YTHDF3: variants seen among roughly 807,000 people sequenced by gnomAD.
YTHDF3 encodes YTH N6-methyladenosine RNA binding protein F3.
Under a neutral mutation model 52.5 loss-of-function variants are expected in YTHDF3, and 9 were observed. The ratio of observed to expected loss-of-function variants is 0.17; its 90% CI spans 0.10 to 0.30. The LOEUF is 0.30. Ranked by LOEUF, YTHDF3 falls within the 10% of genes least tolerant of loss-of-function variation. The probability of loss-of-function intolerance (pLI) is 1.00; values close to 1 mark genes in which losing one functional copy is unlikely to be tolerated. For missense variants in YTHDF3, 534 were observed against 715.0 expected (o/e 0.75, Z 2.89); for synonymous variants, 274 against 243.3 (o/e 1.13, Z -1.18).
intron 3 of YTHDF3, among the ~76,000 whole-genome samples, chr8:63,182,426 A>G (rs759188595): frequency 6.6e-6 from 1 of 151,926 alleles, no homozygotes; most frequent in Non-Finnish European, 1.5e-5. Flanking sequence ...AATAGGTGAC[A>G]GAGGCTGAAT....
intron 3 of YTHDF3, among the ~76,000 whole-genome samples, chr8:63,185,547 C>G (rs1808441903): frequency 6.6e-6 from 1 of 151,976 alleles, no homozygotes; most frequent in Non-Finnish European, 1.5e-5. Flanking sequence ...TTGAAATGAA[C>G]AAGGCAAAGC....
chr8:63,205,782 A>T (rs1301952988), intron 4 of YTHDF3, among the ~76,000 whole-genome samples: 1 of 152,150 alleles, frequency 6.6e-6, no homozygotes, highest in African/African-American at 2.4e-5. Context: ...AGCTGATAGT[A>T]TGCCCATAGA....
At chr8:63,172,886 C>G (rs1563391407) in intron 2 of YTHDF3, 9 of 1,038,152 alleles carry the variant, frequency 8.7e-6, no homozygotes, top group Middle Eastern at 3.5e-4. Context: ...GGTTTTCAGA[C>G]TCCAAGACAT....
chr8:63,205,385 A>G (rs749588614), intron 4 of YTHDF3, among the ~76,000 whole-genome samples: 2 of 151,936 alleles, frequency 1.3e-5, no homozygotes, highest in Non-Finnish European at 2.9e-5. Flanking sequence ...TTATAATAAC[A>G]TCAAAAGTTA....
intron 3 of YTHDF3, 57 bp downstream of exon 3, chr8:63,175,473 G>T: frequency 1.5e-6 from 2 of 1,326,728 alleles, no homozygotes; most frequent in South Asian, 2.5e-5. Flanking sequence ...AGTATTAGTT[G>T]ATTTTTCAAA....
chr8:63,200,383 G>C (rs948362326), intron 4 of YTHDF3, among the ~76,000 whole-genome samples: 8 of 151,754 alleles, frequency 5.3e-5, no homozygotes, highest in Non-Finnish European at 8.8e-5. Context: ...CGCCTCGGCT[G>C]AATTTTTTTT....
chr8:63,169,153 C>T, intron 1 of YTHDF3: 1 of 1,418,442 alleles, frequency 7.0e-7, no homozygotes, highest in African/African-American at 1.4e-5. Context: ...ATCCTGAGGG[C>T]GGCAGACATG....
chr8:63,187,522 A>G lies in YTHDF3; in HGVS notation c.1511A>G (p.Lys504Arg). ...QDKWKGKFEVKWIFVKDVPNN... is the reference protein window; with the variant it reads ...QDKWKGKFEVRWIFVKDVPNN... ...AAGTGGAAGGGCAAATTTGAAGTTA[A>G]ATGGATCTTTGTCAAAGATGTTCCC... The change falls in exon 4 of 5, where the codon AAA (lysine) becomes AGA (arginine). Residue 504 changes from lysine to arginine, a missense_variant. By Grantham distance (26) the Lys-to-Arg change is conservative. Transcript: ENST00000539294. 6.8e-6 allele frequency: 11 copies of G among 1,613,976 alleles called. No individual in the cohort carries two copies. The highest frequency in any genetic ancestry group is 9.3e-6 in the Non-Finnish European group (11 of 1,179,872).
intron 2 of YTHDF3, chr8:63,172,697 T>C: frequency 9.1e-7 from 1 of 1,094,382 alleles, no homozygotes; most frequent in Non-Finnish European, 1.2e-6. Context: ...CCTAACTTGA[T>C]GTAGTCAGGA....
chr8:63,186,143 G>A lies in YTHDF3; in HGVS notation c.136-4G>A, dbSNP rs1268767897. 9 of 1,593,204 alleles carry A rather than the reference G, an allele frequency of 5.6e-6. No individual in the cohort carries two copies. The East Asian group carries it at 1.8e-4, about 32-fold the overall frequency. ...GCTACTGATTGTGATATTTTGTTTTGCAGAGTAACAGCTATCCACCAATGT... is the reference window on the plus strand; with the variant it reads ...GCTACTGATTGTGATATTTTGTTTTACAGAGTAACAGCTATCCACCAATGT... On this transcript the variant is annotated splice_polypyrimidine_tract_variant and splice_region_variant and intron_variant, in intron 3 of 4. Transcript: ENST00000539294.
chr8:63,205,159 C>G (rs1809941992), intron 4 of YTHDF3, among the ~76,000 whole-genome samples: 1 of 152,080 alleles, frequency 6.6e-6, no homozygotes, highest in Non-Finnish European at 1.5e-5. Context: ...GGAAGAAGCC[C>G]TGTACTACTC....
At chr8:63,169,478 G>A (rs889551784) in intron 2 of YTHDF3, 67 bp downstream of exon 2, 9 of 1,507,066 alleles carry the variant, frequency 6.0e-6, no homozygotes, top group African/African-American at 5.6e-5. Flanking sequence ...AACTCTGTGA[G>A]GGTATTTTGT....
chr8:63,176,968 C>T (rs907221680), intron 3 of YTHDF3, among the ~76,000 whole-genome samples: 1 of 152,118 alleles, frequency 6.6e-6, no homozygotes, highest in Non-Finnish European at 1.5e-5. Flanking sequence ...CATGAGCCAC[C>T]GTGCCCAGCC....
chr8:63,183,408 A>G (rs16930241), intron 3 of YTHDF3, among the ~76,000 whole-genome samples: 2,348 of 152,176 alleles, frequency 0.015, 47 homozygotes, highest in African/African-American at 0.053. Flanking sequence ...TAGATACTTC[A>G]GTGATCAAAT....
intron 3 of YTHDF3, among the ~76,000 whole-genome samples, chr8:63,180,767 C>T (rs1192193210): frequency 6.6e-6 from 1 of 152,278 alleles, no homozygotes; most frequent in Admixed American, 6.5e-5. Flanking sequence ...CGGTTAGGAG[C>T]TGGAGACCAG....
intron 4 of YTHDF3, among the ~76,000 whole-genome samples, chr8:63,194,297 A>G (rs1809098720): frequency 6.6e-6 from 1 of 151,940 alleles, no homozygotes. Context: ...CAGCCTGGCT[A>G]ACATGTTGAA....
intron 4 of YTHDF3, 80 bp downstream of exon 4, chr8:63,187,825 A>G: frequency 6.9e-7 from 1 of 1,441,498 alleles, no homozygotes; most frequent in Non-Finnish European, 9.2e-7. Context: ...GAGTTTAAGA[A>G]CTTTCTGTGA....
chr8:63,203,831 G>A (rs1809805660), intron 4 of YTHDF3, among the ~76,000 whole-genome samples: 1 of 152,192 alleles, frequency 6.6e-6, no homozygotes, highest in Non-Finnish European at 1.5e-5. Flanking sequence ...CGGTTTGGCT[G>A]ATACTTTCTC....
At chr8:63,192,051 CAT>C (rs1446130898) in intron 4 of YTHDF3, among the ~76,000 whole-genome samples, 4 of 152,118 alleles carry the variant, frequency 2.6e-5, no homozygotes, top group East Asian at 1.9e-4. Context: ...TGAATTTTAA[CAT>C]ATGTAGATTT....
Sources: allele counts gnomAD v4.1 joint callset (sites outside exome capture counted in the v4.1 genomes callset), GRCh38; gene constraint gnomAD v4.1.1; transcripts MANE v1.5; gene names NCBI Gene and HGNC (gene_info 2026-07-23, HGNC 2026-07-21).